Variants in MGMT observed in about 807,000 individuals in gnomAD.
The protein encoded by MGMT is O-6-methylguanine-DNA methyltransferase.
MGMT carries 14 observed loss-of-function variants against 15.9 expected under a neutral mutation model. The ratio of observed to expected loss-of-function variants is 0.88; its 90% CI spans 0.58 to 1.37. The LOEUF (loss-of-function observed/expected upper bound fraction) is 1.37. Ranked by LOEUF, MGMT falls within the 40% of genes most tolerant of loss-of-function variation. The probability of loss-of-function intolerance (pLI) is 0.00; values close to 1 mark genes in which losing one functional copy is unlikely to be tolerated. For missense variants in MGMT, 282 were observed against 268.1 expected (o/e 1.05, Z -0.36); for synonymous variants, 130 against 118.2 (o/e 1.10, Z -0.65).
At chr10:129,729,641 C>G (rs1448370253) in intron 3 of MGMT, among the ~76,000 whole-genome samples, 3 of 152,214 alleles carry the variant, frequency 2.0e-5, no homozygotes, top group Non-Finnish European at 4.4e-5. Flanking sequence ...GAAATTAAAG[C>G]TTGCCAGTTT....
intron 2 of MGMT, among the ~76,000 whole-genome samples, chr10:129,658,916 G>C (rs1847563098): frequency 6.6e-6 from 1 of 152,034 alleles, no homozygotes; most frequent in African/African-American, 2.4e-5. Flanking sequence ...AGGCCTCCCA[G>C]GTGTCGCTGT....
At chr10:129,635,672 A>G (rs1356904797) in intron 2 of MGMT, among the ~76,000 whole-genome samples, 1 of 152,242 alleles carries the variant, frequency 6.6e-6, no homozygotes, top group Non-Finnish European at 1.5e-5. Flanking sequence ...GAAGTTTTAA[A>G]AAGAAATTTG....
chr10:129,493,648 G>T (rs560330418), intron 1 of MGMT, among the ~76,000 whole-genome samples: 56 of 152,288 alleles, frequency 3.7e-4, no homozygotes, highest in South Asian at 6.2e-4. Context: ...TCCCAATATG[G>T]ATTCCATCAG....
At chr10:129,486,174 TC>T (rs1845407191) in intron 1 of MGMT, among the ~76,000 whole-genome samples, 1 of 115,540 alleles carries the variant, frequency 8.7e-6, no homozygotes. Context: ...TCTCTTCTCT[TC>T]TCTTTTTTTT....
intron 2 of MGMT, among the ~76,000 whole-genome samples, chr10:129,629,109 A>G (rs886843071): frequency 2.0e-5 from 3 of 152,158 alleles, no homozygotes; most frequent in African/African-American, 7.2e-5. Flanking sequence ...CCAGGCGGCA[A>G]TGGTCTACAC....
intron 2 of MGMT, among the ~76,000 whole-genome samples, chr10:129,597,084 G>A (rs192235933): frequency 6.6e-5 from 10 of 152,272 alleles, no homozygotes; most frequent in East Asian, 5.8e-4. Context: ...AAGATTCTGC[G>A]CAACAAACTG....
At chr10:129,530,015 C>G (rs1329502006) in intron 1 of MGMT, among the ~76,000 whole-genome samples, 1 of 152,164 alleles carries the variant, frequency 6.6e-6, no homozygotes, top group African/African-American at 2.4e-5. Flanking sequence ...ATCCTCCTGC[C>G]TCAGCCTCCC....
At chr10:129,517,422 C>CT (rs1289280051) in intron 1 of MGMT, among the ~76,000 whole-genome samples, 1 of 152,236 alleles carries the variant, frequency 6.6e-6, no homozygotes, top group Non-Finnish European at 1.5e-5. Context: ...TGTGCCCCTC[C>CT]TGTGTCCTCA....
At chr10:129,648,429 T>C (rs1159516221) in intron 2 of MGMT, among the ~76,000 whole-genome samples, 1 of 152,188 alleles carries the variant, frequency 6.6e-6, no homozygotes, top group East Asian at 1.9e-4. Flanking sequence ...TTTTCAGACT[T>C]TGCATTTCAA....
In MGMT at chr10:129,705,380, T is replaced by C. The variant is rs565092229; in HGVS notation, c.126-2515T>C. Among the ~76,000 whole-genome samples the C allele has an allele frequency of 3.3e-5, 5 of 152,362 alleles. No homozygotes were observed. In the South Asian group the frequency reaches 8.3e-4, roughly 25 times the overall value. On this transcript the variant is annotated intron_variant, in intron 2 of 4. Transcript: ENST00000651593. ...GGGTATTTCCGCCCACAGTACACTT[T>C]AAGCCAAAGTAATTTGTATCATCTT...
At chr10:129,536,436 A>G in intron 2 of MGMT, 59 bp downstream of exon 2, 2 of 1,563,418 alleles carry the variant, frequency 1.3e-6, no homozygotes, top group Non-Finnish European at 1.7e-6. Flanking sequence ...CGAGGAGTAT[A>G]TGTGATAACG....
intron 3 of MGMT, among the ~76,000 whole-genome samples, chr10:129,756,760 G>A (rs894063687): frequency 1.3e-5 from 2 of 152,226 alleles, no homozygotes; most frequent in African/African-American, 2.4e-5. Context: ...GAGCCACCGC[G>A]CCTGGACCAG....
At chr10:129,656,906 G>GT (rs1847530364) in intron 2 of MGMT, among the ~76,000 whole-genome samples, 1 of 152,034 alleles carries the variant, frequency 6.6e-6, no homozygotes, top group Non-Finnish European at 1.5e-5. Flanking sequence ...TGGGAGGAGG[G>GT]TTTTTCCACA....
chr10:129,711,548 G>A (rs1385727811), intron 3 of MGMT, among the ~76,000 whole-genome samples: 1 of 152,206 alleles, frequency 6.6e-6, no homozygotes, highest in African/African-American at 2.4e-5. Context: ...AAGCTGAGCT[G>A]TCCAGTGAAG....
intron 2 of MGMT, among the ~76,000 whole-genome samples, chr10:129,668,672 A>G (rs1847687248): frequency 6.6e-6 from 1 of 152,340 alleles, no homozygotes; most frequent in African/African-American, 2.4e-5. Flanking sequence ...AATCTAATAG[A>G]GAAAGTACTT....
intron 2 of MGMT, among the ~76,000 whole-genome samples, 176 bp from the exon 3 acceptor site, chr10:129,707,719 G>C (rs1179643946): frequency 6.6e-6 from 1 of 152,182 alleles, no homozygotes; most frequent in Non-Finnish European, 1.5e-5. Flanking sequence ...TGGTTGCGGG[G>C]CCTCGGTGCG....
intron 2 of MGMT, among the ~76,000 whole-genome samples, chr10:129,687,698 C>CTTT (rs35636912): frequency 1.4e-5 from 2 of 142,924 alleles, no homozygotes; most frequent in Non-Finnish European, 3.1e-5. Context: ...ATGTGTAGCC[C>CTTT]TTTTTTTTTT....
chr10:129,756,635 A>G (rs184186472), intron 3 of MGMT, among the ~76,000 whole-genome samples: 1,633 of 152,150 alleles, frequency 0.011, 13 homozygotes, highest in Non-Finnish European at 0.017. Flanking sequence ...ACGCCTGGCT[A>G]ATTTTTTTAT....
In MGMT at chr10:129,769,850, C is replaced by T. The variant is rs139993076; in HGVS notation, c.*2853C>T. Among the ~76,000 whole-genome samples, 2 of 152,234 alleles carry T rather than the reference C, an allele frequency of 1.3e-5. No individual in the cohort carries two copies. Among genetic ancestry groups the T allele is most frequent in the South Asian group, 2.1e-4 (1 of 4,820 alleles). On this transcript the variant is annotated 3_prime_UTR_variant, in exon 5 of 5. Transcript: ENST00000651593. The stretch of plus-strand genomic sequence containing the variant: ...ATGCATGTTATGGTGTTGGCTGATG[C>T]GGAATCAGGAAGCTTGGAGGAGCTC...
Sources: gnomAD v4.1 joint callset for allele counts (sites outside exome capture counted in the v4.1 genomes callset) on GRCh38, gnomAD v4.1.1 for gene constraint, MANE v1.5 for transcripts, NCBI Gene and HGNC (gene_info 2026-07-23, HGNC 2026-07-21) for gene names.